Variants in PARD3B observed in about 807,000 individuals in gnomAD.
PARD3B encodes partitioning defective 3 homolog B.
A neutral mutation model predicts 130.2 loss-of-function variants in PARD3B; 103 were observed. That is an observed-to-expected ratio of 0.79 (90% CI 0.67 to 0.93). PARD3B has a LOEUF of 0.93. Ranked by LOEUF, PARD3B falls within the 40% of genes least tolerant of loss-of-function variation. PARD3B has a pLI of 0.00. For synonymous variants in PARD3B, 583 were observed against 553.2 expected, an observed-to-expected ratio of 1.05 and a Z score of -0.76; for missense variants, 1,609 against 1,499.2, an observed-to-expected ratio of 1.07 and a Z score of -1.21.
At chr2:205,118,731 G>A (rs905618594) in intron 6 of PARD3B, among the ~76,000 whole-genome samples, 190 bp from the exon 7 acceptor site, 5 of 152,078 alleles carry the variant, frequency 3.3e-5, no homozygotes, top group Non-Finnish European at 7.4e-5. Context: ...TATCTAGAAG[G>A]GCTTTTTCTC....
chr2:205,339,504 G>A (rs975477249), intron 18 of PARD3B, among the ~76,000 whole-genome samples: 6 of 152,198 alleles, frequency 3.9e-5, no homozygotes, highest in Admixed American at 6.5e-5. Context: ...CCCACCTCAA[G>A]CTTACTGAAT....
chr2:205,477,720 G>A (rs1018515050), intron 20 of PARD3B, among the ~76,000 whole-genome samples: 2 of 152,196 alleles, frequency 1.3e-5, no homozygotes, highest in Admixed American at 6.6e-5. Flanking sequence ...CCTACAGTAT[G>A]AGAAACAATA....
chr2:205,161,997 G>A (rs573077012), intron 11 of PARD3B, among the ~76,000 whole-genome samples: 3 of 152,084 alleles, frequency 2.0e-5, no homozygotes, highest in Admixed American at 6.5e-5. Flanking sequence ...TGAATACCTC[G>A]ACTCTAATTG....
intron 22 of PARD3B, among the ~76,000 whole-genome samples, chr2:205,611,709 G>GC (rs975760249): frequency 1.3e-5 from 2 of 152,090 alleles, no homozygotes; most frequent in African/African-American, 4.8e-5. Context: ...TTTCATGACA[G>GC]CCCCCTCTAC....
intron 2 of PARD3B, among the ~76,000 whole-genome samples, chr2:204,871,538 A>AT (rs2045630166): frequency 6.6e-6 from 1 of 152,100 alleles, no homozygotes; most frequent in African/African-American, 2.4e-5. Flanking sequence ...TATGTTTTGT[A>AT]TTTTTTAAAC....
In PARD3B at chr2:205,032,761, A is replaced by G. The variant is rs146342762; in HGVS notation, c.395-14820A>G. 8.6e-3 allele frequency among the ~76,000 whole-genome samples: 1,307 copies of G among 152,294 alleles called. 9 individuals carry two copies. The highest frequency in any genetic ancestry group is 0.012 in the South Asian group (59 of 4,822). Reference sequence around the variant, plus strand: ...ATAAAATCACCTTTTTAGTGTTCTTAGAGATAACAGTGGCTCCAAAGCCCA... The same window carrying G: ...ATAAAATCACCTTTTTAGTGTTCTTGGAGATAACAGTGGCTCCAAAGCCCA... On this transcript the variant is annotated intron_variant, in intron 3 of 22. Coordinates refer to ENST00000406610, the MANE Select transcript of PARD3B (RefSeq NM_001302769.2).
At chr2:204,557,399 C>T (rs956229053) in intron 1 of PARD3B, among the ~76,000 whole-genome samples, 7 of 152,114 alleles carry the variant, frequency 4.6e-5, no homozygotes, top group African/African-American at 9.7e-5. Context: ...CCTCATATTC[C>T]ACCACATGTC....
intron 16 of PARD3B, among the ~76,000 whole-genome samples, chr2:205,275,907 A>G (rs986482135): frequency 6.6e-6 from 1 of 150,544 alleles, no homozygotes; most frequent in African/African-American, 2.4e-5. Context: ...TTTAGCAGGG[A>G]TCTTTTCATA....
intron 1 of PARD3B, among the ~76,000 whole-genome samples, chr2:204,613,241 T>C (rs1429675515): frequency 2.6e-5 from 4 of 152,218 alleles, no homozygotes; most frequent in Non-Finnish European, 4.4e-5. Context: ...AAATTCTAGG[T>C]TGAAGTCATT....
chr2:205,514,576 A>G (rs1056405937), intron 21 of PARD3B, among the ~76,000 whole-genome samples: 1 of 108,956 alleles, frequency 9.2e-6, no homozygotes, highest in Non-Finnish European at 2.0e-5. Flanking sequence ...ATATCTACAT[A>G]TCAATACAGA....
chr2:205,197,030 GGGGTGT>G (rs2036724398), intron 15 of PARD3B, among the ~76,000 whole-genome samples: 1 of 17,076 alleles, frequency 5.9e-5, no homozygotes, highest in Admixed American at 7.2e-4. Flanking sequence ...CTGTGGGGGG[GGGGTGT>G]GTGTGTGTGT....
intron 1 of PARD3B, among the ~76,000 whole-genome samples, chr2:204,652,966 C>T (rs554298216): frequency 6.6e-6 from 1 of 151,000 alleles, no homozygotes; most frequent in Non-Finnish European, 1.5e-5. Context: ...GAAGTCTGCC[C>T]CCATTATTCA....
In PARD3B at chr2:204,923,301, TGTTTTG is replaced by T. The variant is rs1161954551; in HGVS notation, c.223-41850_223-41845del. 2.6e-5 allele frequency among the ~76,000 whole-genome samples: 4 copies of T among 152,020 alleles called. No individual in the cohort carries two copies. In the East Asian group the frequency reaches 7.7e-4, roughly 29 times the overall value. Reference sequence around the variant, plus strand: ...TAAAAAAATAATTTAATTGTTCAGTTGTTTTGCTTTTGCTGGGAAATAATTTTGAAG... The same window carrying T: ...TAAAAAAATAATTTAATTGTTCAGTTCTTTTGCTGGGAAATAATTTTGAAG... On this transcript the variant is annotated intron_variant, in intron 2 of 22. Transcript: ENST00000406610.
chr2:204,699,566 G>A (rs911851492), intron 2 of PARD3B, among the ~76,000 whole-genome samples: 2 of 152,002 alleles, frequency 1.3e-5, no homozygotes, highest in African/African-American at 4.8e-5. Flanking sequence ...TTGGGGGTGG[G>A]GGAGATAAAT....
intron 22 of PARD3B, among the ~76,000 whole-genome samples, chr2:205,556,528 G>C (rs901026615): frequency 1.3e-5 from 2 of 152,192 alleles, no homozygotes; most frequent in Admixed American, 6.5e-5. Flanking sequence ...ACAATTCCCA[G>C]CACTTGGTAG....
At chr2:204,588,009 G>T (rs1436134816) in intron 1 of PARD3B, among the ~76,000 whole-genome samples, 1 of 152,136 alleles carries the variant, frequency 6.6e-6, no homozygotes, top group Non-Finnish European at 1.5e-5. Flanking sequence ...AGTCTTGGGT[G>T]TGTCTTTATT....
chr2:205,367,121 C>A (rs1165418436), intron 18 of PARD3B, among the ~76,000 whole-genome samples: 1 of 152,202 alleles, frequency 6.6e-6, no homozygotes, highest in Non-Finnish European at 1.5e-5. Context: ...ATGATTGGAG[C>A]TGTGTTAAAA....
intron 13 of PARD3B, among the ~76,000 whole-genome samples, chr2:205,181,328 G>T (rs2035774933): frequency 1.3e-5 from 2 of 152,200 alleles, no homozygotes; most frequent in Admixed American, 1.3e-4. Flanking sequence ...GACTATCCAA[G>T]ATTGAATTAT....
intron 2 of PARD3B, among the ~76,000 whole-genome samples, chr2:204,719,426 A>C (rs2038893483): frequency 6.6e-6 from 1 of 152,210 alleles, no homozygotes; most frequent in South Asian, 2.1e-4. Context: ...AGTAATGAAA[A>C]TCTTTGATCA....
Sources: gnomAD v4.1 joint callset for allele counts (sites outside exome capture counted in the v4.1 genomes callset) on GRCh38, gnomAD v4.1.1 for gene constraint, MANE v1.5 for transcripts, NCBI Gene and HGNC (gene_info 2026-07-23, HGNC 2026-07-21) for gene names.